DLGAP2: variants seen among roughly 807,000 people sequenced by gnomAD.
DLGAP2 encodes the protein disks large-associated protein 2.
DLGAP2 carries 26 observed loss-of-function variants against 100.3 expected under a neutral mutation model. The observed-to-expected ratio is 0.26, with a 90% CI of 0.19 to 0.36. The LOEUF (loss-of-function observed/expected upper bound fraction) is 0.36. DLGAP2 is among the 10% of genes least tolerant of loss of function. The pLI, the probability that DLGAP2 is intolerant of heterozygous loss-of-function variation, is 1.00. For missense variants in DLGAP2, 1,858 were observed against 1,453.2 expected (o/e 1.28, Z -4.53); for synonymous variants, 886 against 630.1 (o/e 1.41, Z -6.08).
At chr8:1,214,045 G>A (rs537240411) in intron 2 of DLGAP2, among the ~76,000 whole-genome samples, 10 of 151,558 alleles carry the variant, frequency 6.6e-5, no homozygotes, top group Admixed American at 2.0e-4. Context: ...GTCCACAGCC[G>A]CCTGTCCTCA....
chr8:1,490,303 G>A lies in DLGAP2; in HGVS notation c.107-11063G>A, dbSNP rs764748417. On this transcript the variant is annotated intron_variant, in intron 3 of 14. Transcript: ENST00000637795. ...GAGCTGTGATTGCTCCTGCCACATC[G>A]AAGCACCTTACGTGCGGGGTTGAAA... Among the ~76,000 whole-genome samples the A allele has an allele frequency of 1.9e-4, 29 of 152,258 alleles. 1 individual carries two copies. The highest frequency in any genetic ancestry group is 1.2e-3 in the South Asian group (6 of 4,818).
intron 2 of DLGAP2, among the ~76,000 whole-genome samples, chr8:923,498 A>G (rs1182427838): frequency 3.9e-5 from 6 of 152,250 alleles, no homozygotes; most frequent in Non-Finnish European, 7.3e-5. Context: ...TTAACCCTGC[A>G]TTCAGAATGA....
At chr8:1,689,013 G>A (rs1324880963) in intron 12 of DLGAP2, among the ~76,000 whole-genome samples, 2 of 152,348 alleles carry the variant, frequency 1.3e-5, no homozygotes, top group South Asian at 2.1e-4. Context: ...CCTGGCTTGG[G>A]CAGCAGGATG....
At chr8:1,306,584 A>C (rs1800497086) in intron 3 of DLGAP2, among the ~76,000 whole-genome samples, 1 of 152,190 alleles carries the variant, frequency 6.6e-6, no homozygotes, top group Admixed American at 6.5e-5. Flanking sequence ...CAAATACTCA[A>C]AACAATCTTG....
intron 2 of DLGAP2, among the ~76,000 whole-genome samples, chr8:1,162,758 T>G (rs964302901): frequency 3.3e-5 from 5 of 152,220 alleles, no homozygotes; most frequent in African/African-American, 1.2e-4. Flanking sequence ...CTGTGTCCGT[T>G]GTCTGTACTG....
intron 3 of DLGAP2, among the ~76,000 whole-genome samples, chr8:1,332,600 C>T (rs902062777): frequency 6.6e-6 from 1 of 152,156 alleles, no homozygotes; most frequent in Non-Finnish European, 1.5e-5. Flanking sequence ...CACACATGCC[C>T]TGAGAAGCAC....
At chr8:1,327,504 A>G (rs1801047908) in intron 3 of DLGAP2, among the ~76,000 whole-genome samples, 1 of 152,214 alleles carries the variant, frequency 6.6e-6, no homozygotes, top group African/African-American at 2.4e-5. Flanking sequence ...GATCCAGAGA[A>G]GTTGAACTTG....
At chr8:953,249 C>T (rs1308505172) in intron 2 of DLGAP2, among the ~76,000 whole-genome samples, 1 of 151,970 alleles carries the variant, frequency 6.6e-6, no homozygotes, top group Non-Finnish European at 1.5e-5. Flanking sequence ...GGCTGGAGTG[C>T]AGTGGTGCAT....
chr8:751,880 A>G lies in DLGAP2; in HGVS notation c.18+14055A>G, dbSNP rs543946793. Reference sequence around the variant, plus strand: ...ATCTGACACTTCATAGTAAGTCCTTATAGGAAGTTCATCTGACACTTCATA... The same window carrying G: ...ATCTGACACTTCATAGTAAGTCCTTGTAGGAAGTTCATCTGACACTTCATA... On this transcript the variant is annotated intron_variant, in intron 1 of 14. Coordinates refer to ENST00000637795, the MANE Select transcript of DLGAP2 (RefSeq NM_001346810.2). 5.6e-3 allele frequency among the ~76,000 whole-genome samples: 845 copies of G among 152,168 alleles called. 5 individuals are homozygous for G. The highest frequency in any genetic ancestry group is 8.3e-3 in the Non-Finnish European group (566 of 67,934).
Position 1,468,587 on chromosome 8 carries a change from C to A in DLGAP2, c.107-32779C>A, listed in dbSNP as rs79364249. 9.9e-3 allele frequency among the ~76,000 whole-genome samples: 1,502 copies of A among 152,328 alleles called. 29 individuals carry two copies. Among genetic ancestry groups the A allele is most frequent in the African/African-American group, 0.035 (1,442 of 41,568 alleles). Reference sequence around the variant, plus strand: ...GGCTCCTGGTGCCACCAGGTCAGGACCCCGGCATCCCTCCACCCTTGAAGG... The same window carrying A: ...GGCTCCTGGTGCCACCAGGTCAGGAACCCGGCATCCCTCCACCCTTGAAGG... On this transcript the variant is annotated intron_variant, in intron 3 of 14. Transcript: ENST00000637795.
In DLGAP2 at chr8:737,705, A is replaced by T. The variant is rs1020840023; in HGVS notation, c.-103A>T. 2.7e-6 allele frequency: 1 copy of T among 370,960 alleles called. No individual in the cohort carries two copies. Among genetic ancestry groups the T allele is most frequent in the Non-Finnish European group, 4.8e-6 (1 of 208,300 alleles). 23.0% of individuals were successfully genotyped at this position (370,960 alleles called of 1,614,324 possible). A position where few individuals can be genotyped will look rare whatever the true frequency, so the allele number is the denominator to read the frequency against. On this transcript the variant is annotated 5_prime_UTR_variant, in exon 1 of 15. Transcript: ENST00000637795. The stretch of plus-strand genomic sequence containing the variant: ...CGGCGAACGGACGGACGGACCGCGG[A>T]CGGACGTACTGACCCCAACCCGCGA...
chr8:1,108,892 G>A (rs568173937), intron 2 of DLGAP2, among the ~76,000 whole-genome samples: 1 of 130,558 alleles, frequency 7.7e-6, no homozygotes, highest in African/African-American at 3.0e-5. Context: ...GGGTCTGTGA[G>A]GTGTGCACGT....
chr8:1,237,305 C>G (rs1208877883), intron 2 of DLGAP2, among the ~76,000 whole-genome samples: 2 of 132,630 alleles, frequency 1.5e-5, no homozygotes, highest in Admixed American at 7.1e-5. Flanking sequence ...CTAGTTCTGT[C>G]TCACACAGAG....
Position 1,390,544 on chromosome 8 carries a change from C to G in DLGAP2, c.107-110822C>G, listed in dbSNP as rs542582294. Among the ~76,000 whole-genome samples the G allele has an allele frequency of 1.2e-3, 186 of 152,280 alleles. 1 individual carries two copies. Among genetic ancestry groups the G allele is most frequent in the African/African-American group, 4.2e-3 (176 of 41,558 alleles). ...AATTAGAAAATGACAATCTGTCGAG[C>G]TGTGTGCTCCTGTATGCTTGCGGGC... On this transcript the variant is annotated intron_variant, in intron 3 of 14. Transcript: ENST00000637795.
chr8:774,959 T>C (rs1451015379), intron 1 of DLGAP2, among the ~76,000 whole-genome samples: 2 of 151,280 alleles, frequency 1.3e-5, no homozygotes, highest in African/African-American at 4.9e-5. Flanking sequence ...ATTTTCACGA[T>C]ATTGATTCTT....
rs559851374 is a variant in DLGAP2 at position 1,557,328 on chromosome 8, C to T, written c.1230+7645C>T. On this transcript the variant is annotated intron_variant, in intron 5 of 14. Coordinates refer to ENST00000637795, the MANE Select transcript of DLGAP2 (RefSeq NM_001346810.2). ...TTTCCATGGAAATAAATGGCTATAA[C>T]TGTGCCTGCCTGACCTCCCTCAGGG... 9.2e-5 allele frequency among the ~76,000 whole-genome samples: 14 copies of T among 152,202 alleles called. 1 individual carries two copies. In the South Asian group the frequency reaches 2.9e-3, roughly 32 times the overall value.
intron 3 of DLGAP2, among the ~76,000 whole-genome samples, chr8:1,352,112 G>T (rs374705703): frequency 2.3e-5 from 1 of 43,934 alleles, no homozygotes; most frequent in African/African-American, 7.2e-5. Context: ...CGGGTCCTGA[G>T]TGTGTGTGGA....
intron 2 of DLGAP2, among the ~76,000 whole-genome samples, chr8:1,132,365 C>G (rs1796311309): frequency 1.3e-5 from 2 of 152,122 alleles, no homozygotes; most frequent in South Asian, 4.1e-4. Context: ...GAGGGACTAG[C>G]AAAACCAGCT....
At chr8:1,530,266 A>G (rs886180722) in intron 4 of DLGAP2, among the ~76,000 whole-genome samples, 5 of 152,288 alleles carry the variant, frequency 3.3e-5, no homozygotes, top group African/African-American at 4.8e-5. Context: ...CCAGGCACGT[A>G]TTCTCTTTCC....
Sources: gnomAD v4.1 joint callset for allele counts (sites outside exome capture counted in the v4.1 genomes callset) on GRCh38, gnomAD v4.1.1 for gene constraint, MANE v1.5 for transcripts, NCBI Gene and HGNC (gene_info 2026-07-23, HGNC 2026-07-21) for gene names.